The following ARHGAP32 variants were observed in gnomAD, a reference collection of about 807,000 sequenced individuals.
ARHGAP32 encodes the protein Rho GTPase activating protein 32, also known as rho GTPase-activating protein 32.
A neutral mutation model predicts 186.5 loss-of-function variants in ARHGAP32; 51 were observed. The ratio of observed to expected loss-of-function variants is 0.27; its 90% CI spans 0.22 to 0.35. The LOEUF (loss-of-function observed/expected upper bound fraction) is 0.35, where lower values mean the gene tolerates loss of function less well. ARHGAP32 is among the 10% of genes least tolerant of loss of function. The pLI is 1.00. For missense variants in ARHGAP32, 2,186 were observed against 2,623.5 expected (o/e 0.83, Z 3.64); for synonymous variants, 950 against 964.3 (o/e 0.99, Z 0.27).
chr11:129,180,281 G>A (rs934867159), intron 1 of ARHGAP32, among the ~76,000 whole-genome samples: 1 of 152,046 alleles, frequency 6.6e-6, no homozygotes, highest in African/African-American at 2.4e-5. Context: ...TAATTCTATT[G>A]GCATTAAGTT....
rs981018300 is a variant in ARHGAP32 at position 128,999,701 on chromosome 11, A to G, written c.1046-1233T>C. 2.0e-5 allele frequency among the ~76,000 whole-genome samples: 3 copies of G among 152,166 alleles called. No homozygotes were observed. In the East Asian group the frequency reaches 5.8e-4, roughly 29 times the overall value. On this transcript the variant is annotated intron_variant, in intron 11 of 22. Transcript: ENST00000682385. ...TTAGACCAGCCGACACTTTGGGAAA[A>G]TAGAAAAGAACCTACATTAAAATAC... is the stretch of plus-strand genomic sequence containing the variant.
rs144997644 is a variant in ARHGAP32, at chr11:129,018,174, G to T, written c.1046-19706C>A. ...TTGTATCCTTTGCAGTGACATAAAT[G>T]AGTGCAATAGACTTGAAAAGGCAAG... is the stretch of plus-strand genomic sequence containing the variant. On this transcript the variant is annotated intron_variant, in intron 11 of 22. Transcript: ENST00000682385. Among the ~76,000 whole-genome samples the T allele has an allele frequency of 1.3e-3, 196 of 152,164 alleles. 1 individual carries two copies. The highest frequency in any genetic ancestry group is 2.0e-3 in the Non-Finnish European group (138 of 67,994).
intron 1 of ARHGAP32, among the ~76,000 whole-genome samples, chr11:129,217,018 A>G (rs1390661492): frequency 6.6e-6 from 1 of 152,116 alleles, no homozygotes; most frequent in African/African-American, 2.4e-5. Context: ...TTTTAACTAA[A>G]TATACCTCAC....
At chr11:129,053,818 A>G (rs1940148036) in intron 10 of ARHGAP32, among the ~76,000 whole-genome samples, 1 of 152,176 alleles carries the variant, frequency 6.6e-6, no homozygotes, top group Admixed American at 6.5e-5. Context: ...AACTCACAGT[A>G]TAATATGATT....
chr11:129,208,132 T>C (rs76589230), intron 1 of ARHGAP32, among the ~76,000 whole-genome samples: 3,852 of 152,264 alleles, frequency 0.025, 158 homozygotes, highest in African/African-American at 0.083. Context: ...GAAATATCCT[T>C]AAAGTAGAGG....
rs531877907 is a variant in ARHGAP32, at chr11:129,035,210, T to C, written c.1045+5718A>G. Among the ~76,000 whole-genome samples, 72 of 150,592 alleles carry C rather than the reference T, an allele frequency of 4.8e-4. 1 individual carries two copies. Among genetic ancestry groups the C allele is most frequent in the African/African-American group, 1.7e-3 (71 of 41,086 alleles). The stretch of plus-strand genomic sequence containing the variant: ...TCTCTCTCTCTATCAAACTCTTACC[T>C]TCTTTTTCCTAAGGTACCATGGGTA... On this transcript the variant is annotated intron_variant, in intron 11 of 22. Transcript: ENST00000682385.
chr11:129,187,116 G>C (rs1216473511), intron 1 of ARHGAP32, among the ~76,000 whole-genome samples: 1 of 152,148 alleles, frequency 6.6e-6, no homozygotes, highest in East Asian at 1.9e-4. Context: ...AGCAACCTAA[G>C]TGTCCATCAA....
intron 15 of ARHGAP32, among the ~76,000 whole-genome samples, chr11:128,984,951 T>TA (rs1945818801): frequency 6.6e-6 from 1 of 152,198 alleles, no homozygotes; most frequent in East Asian, 1.9e-4. Flanking sequence ...GTCTCCAACT[T>TA]ACAATGGTTC....
intron 6 of ARHGAP32, among the ~76,000 whole-genome samples, chr11:129,090,703 T>C (rs749557248): frequency 2.0e-5 from 3 of 152,312 alleles, no homozygotes; most frequent in Non-Finnish European, 4.4e-5. Context: ...TAAAAGCTGA[T>C]GCTTATTTGC....
chr11:128,972,911 C>A lies in ARHGAP32; in HGVS notation c.3595G>T (p.Asp1199Tyr). Residue 1199 changes from aspartate (D) to tyrosine (Y), a missense_variant, in exon 22 of 23, where the codon GAC (aspartate) becomes TAC (tyrosine). By Grantham distance (160) the Asp-to-Tyr change is radical. Around this residue, in one of 5 missense-constraint regions of ARHGAP32, gnomAD observed 1,502 missense variants for 1,570.0 expected, o/e 0.96. Transcript: ENST00000682385. ...GGCATACTGTTCTTCCCAGACTGGT[C>A]TTCAGGGAAACTTACATGATCATCA... ...KSDDHVSFPE[D>Y]QSGKNSMPTV... is the part of the protein sequence containing the mutation. 6.2e-7 allele frequency: 1 copy of A among 1,613,962 alleles called. No individual in the cohort carries two copies. Among genetic ancestry groups the A allele is most frequent in the Non-Finnish European group, 8.5e-7 (1 of 1,180,016 alleles).
rs778197265 is a variant in ARHGAP32, at chr11:129,008,282, C to G, written c.1046-9814G>C. ...CCTCAAGGGGAAACAATCAGTGGAG[C>G]CTTTTATTTGGCCATCTTCCTTTGC... On this transcript the variant is annotated intron_variant, in intron 11 of 22. Transcript: ENST00000682385. Among the ~76,000 whole-genome samples, 10 of 152,120 alleles carry G rather than the reference C, an allele frequency of 6.6e-5. No homozygotes were observed. The South Asian group carries it at 8.3e-4, about 13-fold the overall frequency.
At chr11:129,087,460 A>C (rs1276164999) in intron 6 of ARHGAP32, among the ~76,000 whole-genome samples, 1 of 152,240 alleles carries the variant, frequency 6.6e-6, no homozygotes, top group Non-Finnish European at 1.5e-5. Flanking sequence ...GGAAATTCAA[A>C]TGCATATTAC....
intron 1 of ARHGAP32, among the ~76,000 whole-genome samples, chr11:129,168,789 A>C (rs2135497839): frequency 6.6e-6 from 1 of 152,344 alleles, no homozygotes; most frequent in East Asian, 1.9e-4. Flanking sequence ...CAAATTAAAA[A>C]AATTTAAATC....
intron 1 of ARHGAP32, among the ~76,000 whole-genome samples, chr11:129,278,576 G>A (rs1565488104): frequency 6.6e-6 from 1 of 152,140 alleles, no homozygotes; most frequent in African/African-American, 2.4e-5. Flanking sequence ...GAGGAAGCGA[G>A]GGGGAAAAAA....
chr11:129,264,471 T>C (rs1945366645), intron 1 of ARHGAP32, among the ~76,000 whole-genome samples: 4 of 152,160 alleles, frequency 2.6e-5, no homozygotes, highest in Admixed American at 2.6e-4. Context: ...AGATAATACA[T>C]GTAAGGGGCT....
intron 6 of ARHGAP32, among the ~76,000 whole-genome samples, chr11:129,079,209 C>T (rs1259550385): frequency 6.6e-6 from 1 of 152,212 alleles, no homozygotes; most frequent in Non-Finnish European, 1.5e-5. Flanking sequence ...TCAAGGAAAA[C>T]TTCCCTGGCC....
intron 1 of ARHGAP32, among the ~76,000 whole-genome samples, chr11:129,190,151 A>G (rs1440674203): frequency 6.6e-6 from 1 of 152,206 alleles, no homozygotes; most frequent in African/African-American, 2.4e-5. Context: ...GTCATACCAC[A>G]CTGAGTCTAC....
At chr11:129,279,316 C>A in exon 1 of ARHGAP32, 1 of 144,432 alleles carries the variant, frequency 6.9e-6, no homozygotes, top group South Asian at 2.0e-4. Flanking sequence ...CGCGGGGGCT[C>A]GGCCGGGCGT....
intron 2 of ARHGAP32, among the ~76,000 whole-genome samples, chr11:129,148,231 C>A (rs1170430395): frequency 6.6e-6 from 1 of 152,146 alleles, no homozygotes; most frequent in African/African-American, 2.4e-5. Context: ...ATTCAAAGAT[C>A]TTTGAATGAA....
Sources: gnomAD v4.1 joint callset for allele counts (sites outside exome capture counted in the v4.1 genomes callset) on GRCh38, gnomAD v4.1.1 for gene constraint, gnomAD v4.1.1 regional missense constraint, MANE v1.5 for transcripts, NCBI Gene and HGNC (gene_info 2026-07-23, HGNC 2026-07-21) for gene names.